Variants in INPP5B observed in about 807,000 individuals in gnomAD.
INPP5B encodes type II inositol 1,4,5-trisphosphate 5-phosphatase.
A neutral mutation model predicts 118.5 loss-of-function variants in INPP5B; 90 were observed. That is an observed-to-expected ratio of 0.76 (90% CI 0.64 to 0.90). The LOEUF is 0.90. Ranked by LOEUF, INPP5B falls within the 40% of genes least tolerant of loss-of-function variation. The pLI is 0.00. For missense variants in INPP5B, 984 were observed against 1,125.6 expected (o/e 0.87, Z 1.80); for synonymous variants, 385 against 418.9 (o/e 0.92, Z 0.99).
chr1:37,915,992 A>T (rs1380469161), intron 7 of INPP5B, among the ~76,000 whole-genome samples: 2 of 152,162 alleles, frequency 1.3e-5, no homozygotes, highest in East Asian at 3.8e-4. Context: ...GCCAAATAAG[A>T]TCTGTTGAAG....
At chr1:37,910,354 A>G (rs1297456464) in intron 7 of INPP5B, among the ~76,000 whole-genome samples, 1 of 152,126 alleles carries the variant, frequency 6.6e-6, no homozygotes, top group African/African-American at 2.4e-5. Flanking sequence ...CAACTTGGAA[A>G]ACATTCTTTT....
At chr1:37,870,318 G>C (rs2148458432) in intron 19 of INPP5B, among the ~76,000 whole-genome samples, 1 of 152,146 alleles carries the variant, frequency 6.6e-6, no homozygotes, top group East Asian at 1.9e-4. Context: ...ATTACGTTGA[G>C]CAGGCTGGTC....
chr1:37,913,012 C>T (rs868547980), intron 7 of INPP5B, among the ~76,000 whole-genome samples: 5 of 151,222 alleles, frequency 3.3e-5, no homozygotes, highest in African/African-American at 1.2e-4. Context: ...AATCCCAGCA[C>T]TTTGGAACAC....
intron 7 of INPP5B, among the ~76,000 whole-genome samples, chr1:37,917,536 C>T (rs1644916716): frequency 6.6e-6 from 1 of 151,338 alleles, no homozygotes; most frequent in Non-Finnish European, 1.5e-5. Flanking sequence ...GTTGGCCAGG[C>T]TGCTATCAAA....
chr1:37,919,479 C>G (rs1053108983), intron 7 of INPP5B, among the ~76,000 whole-genome samples: 1 of 152,154 alleles, frequency 6.6e-6, no homozygotes, highest in Non-Finnish European at 1.5e-5. Context: ...GCACACACCA[C>G]CAGGGGGACA....
intron 7 of INPP5B, among the ~76,000 whole-genome samples, chr1:37,898,812 G>A (rs571983086): frequency 4.6e-5 from 7 of 152,150 alleles, no homozygotes; most frequent in African/African-American, 1.7e-4. Flanking sequence ...ATATCACAAA[G>A]GTATGAAACC....
intron 7 of INPP5B, among the ~76,000 whole-genome samples, chr1:37,905,800 T>A (rs1385711138): frequency 6.6e-6 from 1 of 152,236 alleles, no homozygotes; most frequent in Non-Finnish European, 1.5e-5. Flanking sequence ...GTTAACTGCA[T>A]GGACTGAACT....
chr1:37,933,312 G>T (rs1007936542), intron 6 of INPP5B, among the ~76,000 whole-genome samples: 1 of 152,226 alleles, frequency 6.6e-6, no homozygotes, highest in African/African-American at 2.4e-5. Context: ...ACTTTGGGAG[G>T]CTGAGGCGGG....
At chr1:37,872,199 T>C (rs1642496758) in intron 19 of INPP5B, among the ~76,000 whole-genome samples, 1 of 150,914 alleles carries the variant, frequency 6.6e-6, no homozygotes, top group African/African-American at 2.4e-5. Flanking sequence ...AAACCCTGTC[T>C]CTACTAAAAA....
chr1:37,939,892 T>A lies in INPP5B; in HGVS notation c.391+796A>T, dbSNP rs147935780. On this transcript the variant is annotated intron_variant, in intron 6 of 23. Transcript: ENST00000373024. ...CAAGTAGTTGGGATTACGAGCAAGC[T>A]ACTAAGCCTAGCTGTTTCTTCTGCT... is the stretch of plus-strand genomic sequence containing the variant. 3.3e-3 allele frequency among the ~76,000 whole-genome samples: 497 copies of A among 152,216 alleles called. 2 individuals carry two copies. The highest frequency in any genetic ancestry group is 0.011 in the African/African-American group (475 of 41,550).
chr1:37,872,699 A>C (rs1642533558), intron 19 of INPP5B, among the ~76,000 whole-genome samples: 1 of 151,240 alleles, frequency 6.6e-6, no homozygotes, highest in Admixed American at 6.6e-5. Context: ...TGAGACAAGC[A>C]GAAGACCCAC....
rs1425488155 is a variant in INPP5B at position 37,887,099 on chromosome 1, G to A, written c.1015-95C>T. 4.8e-5 allele frequency: 48 copies of A among 994,530 alleles called. No individual in the cohort carries two copies. In the East Asian group the frequency reaches 1.0e-3, roughly 22 times the overall value. The allele number at this position is 994,530 out of a possible 1,614,324, so 61.6% of individuals were successfully genotyped here. A position where few individuals can be genotyped will look rare whatever the true frequency, so the allele number is the denominator to read the frequency against. On this transcript the variant is annotated intron_variant, in intron 11 of 23. Coordinates refer to ENST00000373024, the MANE Select transcript of INPP5B (RefSeq NM_005540.3). The stretch of plus-strand genomic sequence containing the variant: ...CTGGAAGCTGGCTGAGAGTATTCAC[G>A]TGTCTCCTTCTCCACACTAGAACAC...
At chr1:37,931,841 A>T (rs1381460316) in intron 7 of INPP5B, 72 bp downstream of exon 7, 2 of 1,610,620 alleles carry the variant, frequency 1.2e-6, no homozygotes, top group South Asian at 2.2e-5. Flanking sequence ...CCGCCCCAAA[A>T]CAGAACGGAG....
intron 21 of INPP5B, among the ~76,000 whole-genome samples, chr1:37,866,096 G>A (rs545498397): frequency 6.6e-6 from 1 of 152,196 alleles, no homozygotes; most frequent in South Asian, 2.1e-4. Flanking sequence ...GCTTAAAGTT[G>A]TAAATTCTTA....
Position 37,943,634 on chromosome 1 carries a change from A to G in INPP5B, c.280+6T>C. On this transcript the variant is annotated splice_donor_region_variant and intron_variant, in intron 5 of 23. Coordinates refer to ENST00000373024, the MANE Select transcript of INPP5B (RefSeq NM_005540.3). ...GAGTGGGACCCAGACCAAGAGGACC[A>G]CTCACCAAGGATGTAGAGTTCACCA... 4 of 1,613,862 alleles carry G rather than the reference A, an allele frequency of 2.5e-6. No individual in the cohort carries two copies. The highest frequency in any genetic ancestry group is 2.5e-6 in the Non-Finnish European group (3 of 1,179,934).
intron 13 of INPP5B, among the ~76,000 whole-genome samples, chr1:37,884,806 C>A (rs1199457685): frequency 6.6e-6 from 1 of 151,764 alleles, no homozygotes; most frequent in African/African-American, 2.4e-5. Context: ...CAAAAATTAT[C>A]CAGGCCTGGT....
At chr1:37,863,645 C>T (rs1474683185) in intron 23 of INPP5B, among the ~76,000 whole-genome samples, 1 of 151,846 alleles carries the variant, frequency 6.6e-6, no homozygotes, top group East Asian at 2.0e-4. Flanking sequence ...GCTGAGATCA[C>T]ACCACTGCAC....
At chr1:37,881,055 A>C (rs1451824841) in intron 14 of INPP5B, among the ~76,000 whole-genome samples, 1 of 152,186 alleles carries the variant, frequency 6.6e-6, no homozygotes, top group East Asian at 1.9e-4. Flanking sequence ...GCTACACCCA[A>C]AGGGCCTGAG....
intron 7 of INPP5B, among the ~76,000 whole-genome samples, chr1:37,919,114 T>G (rs1644968614): frequency 6.6e-6 from 1 of 152,202 alleles, no homozygotes; most frequent in African/African-American, 2.4e-5. Flanking sequence ...GACATCATCA[T>G]CAATGAAACT....
Sources: gnomAD v4.1 joint callset for allele counts (sites outside exome capture counted in the v4.1 genomes callset) on GRCh38, gnomAD v4.1.1 for gene constraint, MANE v1.5 for transcripts, NCBI Gene and HGNC (gene_info 2026-07-23, HGNC 2026-07-21) for gene names.